EPN2: variants seen among roughly 807,000 people sequenced by gnomAD.
The protein encoded by EPN2 is epsin-2.
In EPN2, 34 loss-of-function variants were observed where a neutral mutation model predicts 61.7. That is an observed-to-expected ratio of 0.55 (90% CI 0.42 to 0.73). EPN2 has a LOEUF of 0.73. Among genes scored for constraint, EPN2 ranks in the 30% least tolerant of loss-of-function variants. The pLI is 0.00. For missense variants in EPN2, 714 were observed against 839.2 expected, an observed-to-expected ratio of 0.85 and a Z score of 1.84; for synonymous variants, 349 against 353.6, an observed-to-expected ratio of 0.99 and a Z score of 0.15.
At chr17:19,326,383 G>A (rs1311289315) in intron 7 of EPN2, among the ~76,000 whole-genome samples, 3 of 152,046 alleles carry the variant, frequency 2.0e-5, no homozygotes, top group Non-Finnish European at 1.5e-5. Flanking sequence ...CTGTTTGTGA[G>A]GATAATTAAG....
At chr17:19,252,812 C>T (rs1240353578) in intron 1 of EPN2, among the ~76,000 whole-genome samples, 6 of 152,186 alleles carry the variant, frequency 3.9e-5, no homozygotes, top group African/African-American at 1.4e-4. Context: ...ACCTCAGCCT[C>T]CTGAGCAGCT....
chr17:19,299,976 A>G (rs1199083096), intron 4 of EPN2, among the ~76,000 whole-genome samples: 1 of 152,244 alleles, frequency 6.6e-6, no homozygotes, highest in Non-Finnish European at 1.5e-5. Context: ...TGCCAGAAGT[A>G]AAGCTGACGT....
intron 8 of EPN2, chr17:19,329,115 C>T (rs1236667828): frequency 3.9e-6 from 2 of 509,112 alleles, no homozygotes; most frequent in Admixed American, 3.6e-5. Context: ...ATTGAGGGGG[C>T]TTCCACCTGG....
chr17:19,267,432 C>T lies in EPN2; in HGVS notation c.-293-14523C>T, dbSNP rs181088603. On this transcript the variant is annotated intron_variant, in intron 1 of 10. Coordinates refer to ENST00000314728, the MANE Select transcript of EPN2 (RefSeq NM_014964.5). ...TAGAAACAAAACAAAAAGATCCCCC[C>T]ATATGCCATAGCAGTAATACCTGAC... Among the ~76,000 whole-genome samples, 461 of 152,096 alleles carry T rather than the reference C, an allele frequency of 3.0e-3. 2 individuals are homozygous for T. Among genetic ancestry groups the T allele is most frequent in the Non-Finnish European group, 4.2e-3 (287 of 68,014 alleles).
chr17:19,326,145 T>C (rs1394757985), intron 7 of EPN2, among the ~76,000 whole-genome samples: 1 of 152,230 alleles, frequency 6.6e-6, no homozygotes, highest in Non-Finnish European at 1.5e-5. Context: ...TACCATGTGA[T>C]CTTGGTTTGG....
chr17:19,324,474 C>T (rs4924781), intron 7 of EPN2, among the ~76,000 whole-genome samples: 146,161 of 152,240 alleles, frequency 0.96, 70,566 homozygotes, highest in African/African-American at 0.99. Flanking sequence ...GCTGGGACTA[C>T]GGGCATGTGC....
At chr17:19,293,987 A>G (rs2045490641) in intron 4 of EPN2, among the ~76,000 whole-genome samples, 2 of 151,796 alleles carry the variant, frequency 1.3e-5, no homozygotes, top group South Asian at 4.2e-4. Flanking sequence ...CTACCCAGGA[A>G]GCTGAGGCAG....
At position 19,335,449 on chromosome 17, in the gene EPN2, A is replaced by C. The variant is rs992347222; in HGVS notation, c.*1195A>C. 5.2e-6 allele frequency: 8 copies of C among 1,549,968 alleles called. No homozygotes were observed. The highest frequency in any genetic ancestry group is 7.0e-6 in the Non-Finnish European group (8 of 1,146,718). On this transcript the variant is annotated 3_prime_UTR_variant, in exon 11 of 11. Transcript: ENST00000314728. ...ACTTCTGTTTACAATGGAAATCTGA[A>C]ATGGAAGAAACATCTTTAACCTTGT...
At chr17:19,265,424 C>T (rs1430211765) in intron 1 of EPN2, among the ~76,000 whole-genome samples, 1 of 151,726 alleles carries the variant, frequency 6.6e-6, no homozygotes, top group Non-Finnish European at 1.5e-5. Flanking sequence ...CGGTCTCACA[C>T]AAAGGTGTCT....
intron 4 of EPN2, among the ~76,000 whole-genome samples, chr17:19,289,724 G>GTTTTGTTTTTTTGTTTT (rs772230550): frequency 1.3e-5 from 1 of 78,028 alleles, no homozygotes; most frequent in Non-Finnish European, 2.3e-5. Context: ...GGCGCTCATG[G>GTTTTGTTTTTTTGTTTT]TTTTTTTTTT....
chr17:19,302,180 G>A (rs908480912), intron 4 of EPN2, among the ~76,000 whole-genome samples: 6 of 152,226 alleles, frequency 3.9e-5, no homozygotes, highest in African/African-American at 1.4e-4. Flanking sequence ...AAGTGGGGCA[G>A]CACCCCCTTA....
chr17:19,285,705 C>T lies in EPN2; in HGVS notation c.681C>T (p.His227=), dbSNP rs1309449454. 6.2e-7 allele frequency: 1 copy of T among 1,600,856 alleles called. No individual in the cohort carries two copies. Among genetic ancestry groups the T allele is most frequent in the Non-Finnish European group, 8.5e-7 (1 of 1,175,056 alleles). The change falls in exon 4 of 11, where the codon CAC becomes CAT. Residue 227 remains histidine, a synonymous_variant. Coordinates refer to ENST00000314728, the MANE Select transcript of EPN2 (RefSeq NM_014964.5). This position sits in a 1 kb window ranked among gnomAD's most constrained non-coding sequence, Gnocchi z 4.5. ...AGCTGCAGCCACTGAGCCAGCGCCA[C>T]CCCTTCCTGCCGCACCTGGGGCTGG... is the stretch of plus-strand genomic sequence containing the variant. ...SEELQPLSQR[H]PFLPHLGLAS... is the part of the protein sequence containing the mutation.
In EPN2 at chr17:19,305,257, G is replaced by A. The variant is rs190744223; in HGVS notation, c.767-4628G>A. Among the ~76,000 whole-genome samples the A allele has an allele frequency of 3.0e-3, 457 of 152,100 alleles. 3 individuals are homozygous for A. The highest frequency in any genetic ancestry group is 3.2e-3 in the Non-Finnish European group (220 of 67,984). On this transcript the variant is annotated intron_variant, in intron 4 of 10. Coordinates refer to ENST00000314728, the MANE Select transcript of EPN2 (RefSeq NM_014964.5). ...ATGCCTCAGCCTCCTGGGTAGCTGGGACTACAGGCACGTGCCACCACACCC... is the reference window on the plus strand; with the variant it reads ...ATGCCTCAGCCTCCTGGGTAGCTGGAACTACAGGCACGTGCCACCACACCC...
At chr17:19,301,010 C>T (rs1905480633) in intron 4 of EPN2, among the ~76,000 whole-genome samples, 1 of 152,164 alleles carries the variant, frequency 6.6e-6, no homozygotes, top group African/African-American at 2.4e-5. Context: ...TGCGGTTCTC[C>T]TTCCCATTCG....
intron 1 of EPN2, among the ~76,000 whole-genome samples, chr17:19,263,477 A>G (rs540666023): frequency 6.6e-6 from 1 of 152,306 alleles, no homozygotes; most frequent in East Asian, 1.9e-4. Context: ...AGCGTCTTAG[A>G]TGGGTATGAT....
chr17:19,293,699 C>G (rs974529415), intron 4 of EPN2, among the ~76,000 whole-genome samples: 2 of 152,036 alleles, frequency 1.3e-5, no homozygotes, highest in African/African-American at 2.4e-5. Context: ...CCACACTCAG[C>G]CAGGAATACC....
intron 1 of EPN2, among the ~76,000 whole-genome samples, chr17:19,239,292 C>T (rs1310644983): frequency 6.6e-6 from 1 of 152,128 alleles, no homozygotes; most frequent in East Asian, 1.9e-4. Flanking sequence ...GGATTACAGG[C>T]GCACGCCATC....
intron 7 of EPN2, among the ~76,000 whole-genome samples, chr17:19,326,686 CAAAAAA>C (rs36161060): frequency 1.3e-5 from 1 of 76,866 alleles, no homozygotes; most frequent in Non-Finnish European, 2.3e-5. Flanking sequence ...GACTCCGTCT[CAAAAAA>C]AAAAAAAAAA....
intron 1 of EPN2, among the ~76,000 whole-genome samples, chr17:19,249,031 A>G (rs1047781687): frequency 2.6e-5 from 4 of 152,334 alleles, no homozygotes; most frequent in African/African-American, 9.6e-5. Context: ...AGAGCTGGAC[A>G]TGTGGCAGAG....
Sources: allele counts gnomAD v4.1 joint callset (sites outside exome capture counted in the v4.1 genomes callset), GRCh38; gene constraint gnomAD v4.1.1; non-coding constraint Gnocchi (gnomAD v3.1); transcripts MANE v1.5; gene names NCBI Gene and HGNC (gene_info 2026-07-23, HGNC 2026-07-21).